Variants in TMEM132B observed in about 807,000 individuals in gnomAD.
The protein encoded by TMEM132B is transmembrane protein 132B.
A neutral mutation model predicts 90.8 loss-of-function variants in TMEM132B; 18 were observed. The ratio of observed to expected loss-of-function variants is 0.20; its 90% CI spans 0.14 to 0.29. The LOEUF (loss-of-function observed/expected upper bound fraction) is 0.29, where lower values mean the gene tolerates loss of function less well. Ranked by LOEUF, TMEM132B falls within the 10% of genes least tolerant of loss-of-function variation. The pLI is 1.00. For missense variants in TMEM132B, 1,096 were observed against 1,326.8 expected, an observed-to-expected ratio of 0.83 and a Z score of 2.70; for synonymous variants, 504 against 523.3, an observed-to-expected ratio of 0.96 and a Z score of 0.50.
At position 125,381,887 on chromosome 12, in the gene TMEM132B, C is replaced by T. The variant is rs1002168284; in HGVS notation, c.959+31544C>T. On this transcript the variant is annotated intron_variant, in intron 2 of 8. Transcript: ENST00000682704. ...ATGGGAAATGCAATTCTATGGGTGCCAGGTATACATGCTGTTTGGTGCCAG... is the reference window on the plus strand; with the variant it reads ...ATGGGAAATGCAATTCTATGGGTGCTAGGTATACATGCTGTTTGGTGCCAG... Among the ~76,000 whole-genome samples, 4 of 152,144 alleles carry T rather than the reference C, an allele frequency of 2.6e-5. No homozygotes were observed. In the East Asian group the frequency reaches 5.8e-4, roughly 22 times the overall value.
At chr12:125,563,147 G>GCAA (rs1241021452) in intron 4 of TMEM132B, among the ~76,000 whole-genome samples, 2 of 138,422 alleles carry the variant, frequency 1.4e-5, no homozygotes, top group East Asian at 4.6e-4. Context: ...ACCATAATGC[G>GCAA]TAATAATAAT....
rs1410245933 is a variant in TMEM132B at position 125,406,738 on chromosome 12, C to G, written c.960-8793C>G. 6.6e-6 allele frequency among the ~76,000 whole-genome samples: 1 copy of G among 152,164 alleles called. No individual in the cohort carries two copies. Among genetic ancestry groups the G allele is most frequent in the Non-Finnish European group, 1.5e-5 (1 of 68,038 alleles). On this transcript the variant is annotated intron_variant, in intron 2 of 8. Transcript: ENST00000682704. The surrounding 1 kb of genome is among the most constrained non-coding windows in gnomAD (Gnocchi z 8.3). ...TGGAAAGCTGGGAAGGTCTCAAGACCACCCTCACTTCTGATGCCATCTGCA... is the reference window on the plus strand; with the variant it reads ...TGGAAAGCTGGGAAGGTCTCAAGACGACCCTCACTTCTGATGCCATCTGCA...
chr12:125,505,195 A>AAAAAAAAAAAAAAC (rs1183847146), intron 3 of TMEM132B, among the ~76,000 whole-genome samples: 6 of 147,898 alleles, frequency 4.1e-5, no homozygotes, highest in Non-Finnish European at 7.4e-5. Context: ...AAAAAAAAAA[A>AAAAAAAAAAAAAAC]CAGTAAGTGG....
chr12:125,416,434 G>A (rs532124606), intron 3 of TMEM132B, among the ~76,000 whole-genome samples: 39 of 152,380 alleles, frequency 2.6e-4, no homozygotes, highest in Middle Eastern at 6.8e-3. Flanking sequence ...CCTCAGCTGA[G>A]CACACGAGCC....
chr12:125,234,220 G>A (rs11058092), intron 1 of TMEM132B, among the ~76,000 whole-genome samples: 5,541 of 152,244 alleles, frequency 0.036, 117 homozygotes, highest in Non-Finnish European at 0.041. Flanking sequence ...TCCTCCTCTT[G>A]TATCTTTGCC....
chr12:125,526,232 G>T (rs897881265), intron 4 of TMEM132B, among the ~76,000 whole-genome samples: 4 of 152,224 alleles, frequency 2.6e-5, no homozygotes, highest in African/African-American at 7.2e-5. Flanking sequence ...CTGCAGCTTG[G>T]AGGGTTTCAA....
chr12:125,298,879 G>T (rs1362830086), intron 1 of TMEM132B, among the ~76,000 whole-genome samples: 1 of 150,844 alleles, frequency 6.6e-6, no homozygotes, highest in East Asian at 2.0e-4. Flanking sequence ...GACTACAGGC[G>T]CCCGCCACCA....
intron 3 of TMEM132B, among the ~76,000 whole-genome samples, chr12:125,484,475 C>T (rs1882149053): frequency 6.6e-6 from 1 of 152,088 alleles, no homozygotes; most frequent in Non-Finnish European, 1.5e-5. Flanking sequence ...TCAGATGCTC[C>T]CTCCTGGGAC....
intron 1 of TMEM132B, among the ~76,000 whole-genome samples, chr12:125,282,027 CAAAAAAAA>C (rs869083244): frequency 4.4e-4 from 7 of 16,056 alleles, no homozygotes; most frequent in Admixed American, 9.7e-4. Context: ...GACTCCGTCT[CAAAAAAAA>C]AAAAAAAAAA....
intron 1 of TMEM132B, among the ~76,000 whole-genome samples, chr12:125,295,870 C>T (rs1328532080): frequency 6.6e-6 from 1 of 152,196 alleles, no homozygotes; most frequent in African/African-American, 2.4e-5. Context: ...ATGCATAACA[C>T]AATCAGGCGG....
chr12:125,302,363 T>C (rs1341798535), intron 1 of TMEM132B, among the ~76,000 whole-genome samples: 1 of 137,220 alleles, frequency 7.3e-6, no homozygotes, highest in South Asian at 2.4e-4. Flanking sequence ...AGATCCTGTC[T>C]AAAAAAAAAA....
chr12:125,437,087 G>A (rs1053714412), intron 3 of TMEM132B, among the ~76,000 whole-genome samples: 5 of 152,164 alleles, frequency 3.3e-5, no homozygotes, highest in African/African-American at 9.7e-5. Flanking sequence ...CTACAAAAGA[G>A]AGAGACTCAG....
intron 6 of TMEM132B, among the ~76,000 whole-genome samples, chr12:125,646,082 A>G (rs1429100878): frequency 6.6e-6 from 1 of 152,240 alleles, no homozygotes; most frequent in Non-Finnish European, 1.5e-5. Flanking sequence ...AATGGGAAGT[A>G]GAAATCTGAA....
In TMEM132B at chr12:125,333,314, CCTTAA is replaced by C. The variant is rs531601404; in HGVS notation, c.68-16132_68-16128del. 6.9e-3 allele frequency among the ~76,000 whole-genome samples: 1,044 copies of C among 152,276 alleles called. 14 individuals are homozygous for C. The highest frequency in any genetic ancestry group is 0.023 in the African/African-American group (970 of 41,556). ...TCATCCAATGAGCTCATCTTGAAAACCTTAACTTAATTGCATTGGCAAAGGCTCTA... is the reference window on the plus strand; with the variant it reads ...TCATCCAATGAGCTCATCTTGAAAACCTTAATTGCATTGGCAAAGGCTCTA... On this transcript the variant is annotated intron_variant, in intron 1 of 8. Transcript: ENST00000682704.
intron 4 of TMEM132B, among the ~76,000 whole-genome samples, chr12:125,551,911 C>T (rs986697687): frequency 6.6e-6 from 1 of 152,154 alleles, no homozygotes; most frequent in African/African-American, 2.4e-5. Context: ...AGCAGAAACA[C>T]ATGTGATCTC....
At chr12:125,642,923 T>C (rs1262250719) in intron 5 of TMEM132B, among the ~76,000 whole-genome samples, 1 of 151,502 alleles carries the variant, frequency 6.6e-6, no homozygotes, top group Non-Finnish European at 1.5e-5. Flanking sequence ...GGAAGCACAT[T>C]CGTATTAGTG....
chr12:125,532,764 C>G (rs1475194369), intron 4 of TMEM132B, among the ~76,000 whole-genome samples: 1 of 152,122 alleles, frequency 6.6e-6, no homozygotes, highest in Non-Finnish European at 1.5e-5. Flanking sequence ...ATCTGCCCCC[C>G]TCGGCCTCCC....
At chr12:125,359,613 A>ACAAT (rs1222379001) in intron 2 of TMEM132B, among the ~76,000 whole-genome samples, 2 of 152,242 alleles carry the variant, frequency 1.3e-5, no homozygotes, top group Non-Finnish European at 2.9e-5. Flanking sequence ...ACTACATGAG[A>ACAAT]CAATCAACAC....
chr12:125,429,216 TC>T (rs1880423971), intron 3 of TMEM132B, among the ~76,000 whole-genome samples: 2 of 151,992 alleles, frequency 1.3e-5, no homozygotes, highest in African/African-American at 4.8e-5. Context: ...TTTTTTTTTT[TC>T]AAGAGGGAGT....
Sources: allele counts gnomAD v4.1 joint callset (sites outside exome capture counted in the v4.1 genomes callset), GRCh38; gene constraint gnomAD v4.1.1; non-coding constraint Gnocchi (gnomAD v3.1); transcripts MANE v1.5; gene names NCBI Gene and HGNC (gene_info 2026-07-23, HGNC 2026-07-21).